Variants in BCL11B observed in about 807,000 individuals in gnomAD.
The protein encoded by BCL11B is B-cell lymphoma/leukemia 11B.
A neutral mutation model predicts 49.9 loss-of-function variants in BCL11B; 8 were observed. That is an observed-to-expected ratio of 0.16 (90% CI 0.09 to 0.29). The LOEUF is 0.29. BCL11B is among the 10% of genes least tolerant of loss of function. The pLI is 1.00. For missense variants in BCL11B, 1,006 were observed against 1,351.0 expected (o/e 0.74, Z 4.00); for synonymous variants, 739 against 637.4 (o/e 1.16, Z -2.40).
chr14:99,231,631 C>A lies in BCL11B; in HGVS notation c.428-74G>T. 1.4e-6 allele frequency: 2 copies of A among 1,442,102 alleles called. No individual in the cohort carries two copies. The highest frequency in any genetic ancestry group is 2.0e-5 in the Admixed American group (1 of 50,274). The allele number at this position is 1,442,102 out of a possible 1,614,324, so 89.3% of individuals were successfully genotyped here. A position where few individuals can be genotyped will look rare whatever the true frequency, so the allele number is the denominator to read the frequency against. On this transcript the variant is annotated intron_variant, in intron 2 of 3. Transcript: ENST00000357195. This position sits in a 1 kb window ranked among gnomAD's most constrained non-coding sequence, Gnocchi z 8.1. ...GTGAGGGGCACGGGGTGGGACGGGG[C>A]TCGGGGCGTGGGGCTCTGCTCAGGC...
Position 99,175,615 on chromosome 14 carries a change from C to T in BCL11B, c.1221G>A (p.Pro407=), listed in dbSNP as rs751446043. 4 of 1,562,066 alleles carry T rather than the reference C, an allele frequency of 2.6e-6. No homozygotes were observed. Among genetic ancestry groups the T allele is most frequent in the African/African-American group, 2.8e-5 (2 of 72,256 alleles). ...CGCCAGGGGGCATGGGCGGCAGCGG[C>T]GGCGTGCTCAGGAACGGGGACTTGG... ...PSPKSPFLST[P]PLPPMPPGGT... is the part of the protein sequence containing the mutation. Residue 407 remains proline, a synonymous_variant, in exon 4 of 4, where the codon CCG becomes CCA. Transcript: ENST00000357195.
intron 3 of BCL11B, among the ~76,000 whole-genome samples, chr14:99,200,231 T>C (rs1314389263): frequency 2.6e-5 from 4 of 152,156 alleles, no homozygotes; most frequent in Admixed American, 2.6e-4. Flanking sequence ...GAGAAGAGCC[T>C]GCTGTCCTGG....
At chr14:99,253,446 C>T (rs911990378) in intron 2 of BCL11B, among the ~76,000 whole-genome samples, 3 of 152,178 alleles carry the variant, frequency 2.0e-5, no homozygotes, top group Admixed American at 1.3e-4. Context: ...GAAAATGCGG[C>T]GGAGGAGGGA....
chr14:99,258,506 C>G (rs766133253), intron 1 of BCL11B, among the ~76,000 whole-genome samples: 5 of 151,884 alleles, frequency 3.3e-5, no homozygotes, highest in Admixed American at 6.6e-5. Flanking sequence ...AAAACAGAAA[C>G]CCAGATGGGC....
At chr14:99,199,640 C>CTGTGTGTGTGTGTGTGTG (rs79328426) in intron 3 of BCL11B, among the ~76,000 whole-genome samples, 2 of 109,588 alleles carry the variant, frequency 1.8e-5, no homozygotes, top group African/African-American at 7.4e-5. Flanking sequence ...TGGCTAAATG[C>CTGTGTGTGTGTGTGTGTG]TGTGTGTGTG....
At chr14:99,226,770 G>A (rs569874028) in intron 3 of BCL11B, among the ~76,000 whole-genome samples, 3 of 152,290 alleles carry the variant, frequency 2.0e-5, no homozygotes, top group African/African-American at 4.8e-5. Context: ...ATTGAAGGAG[G>A]AGAAAAGGAT....
chr14:99,254,994 T>A (rs1385335176), intron 2 of BCL11B, among the ~76,000 whole-genome samples: 2 of 152,194 alleles, frequency 1.3e-5, no homozygotes, highest in African/African-American at 2.4e-5. Flanking sequence ...CGGAATTCAA[T>A]TAAGCTAAAA....
chr14:99,240,663 G>T (rs1332334253), intron 2 of BCL11B, among the ~76,000 whole-genome samples: 2 of 152,328 alleles, frequency 1.3e-5, no homozygotes, highest in East Asian at 3.9e-4. Flanking sequence ...GGAGCTGTCT[G>T]ACAGCCACCT....
chr14:99,175,855 C>T lies in BCL11B; in HGVS notation c.981G>A (p.Pro327=), dbSNP rs752195180. 64 of 1,476,988 alleles carry T rather than the reference C, an allele frequency of 4.3e-5. No homozygotes were observed. Among genetic ancestry groups the T allele is most frequent in the Non-Finnish European group, 5.4e-5 (60 of 1,119,498 alleles). The allele number at this position is 1,476,988 out of a possible 1,614,324, so 91.5% of individuals were successfully genotyped here. The change falls in exon 4 of 4, where the codon CCG becomes CCA. Residue 327 remains proline, a synonymous_variant. Transcript: ENST00000357195. ...FSPPPRHHLD[P]HRLSAEEMGL... is the part of the protein sequence containing the mutation. Reference sequence around the variant, plus strand: ...CCATCTCCTCGGCACTGAGGCGGTGCGGGTCCAGGTGGTGGCGCGGCGGGG... The same window carrying T: ...CCATCTCCTCGGCACTGAGGCGGTGTGGGTCCAGGTGGTGGCGCGGCGGGG...
chr14:99,212,019 T>C (rs954435340), intron 3 of BCL11B, among the ~76,000 whole-genome samples: 2 of 151,822 alleles, frequency 1.3e-5, no homozygotes, highest in African/African-American at 4.8e-5. Context: ...GAAACCACAC[T>C]TTGGATCAGA....
In BCL11B at chr14:99,176,018, G is replaced by T; in HGVS notation, c.818C>A (p.Ala273Asp). 1 of 1,566,332 alleles carries T rather than the reference G, an allele frequency of 6.4e-7. No individual in the cohort carries two copies. ...LTIPPPLGPE[A>D]VAQSPLMNFL... ...ATTCATGAGCGGGGACTGCGCCACG[G>T]CCTCCGGCCCGAGCGGCGGCGGGAT... The change falls in exon 4 of 4, where the codon GCC becomes GAC. Residue 273 changes from alanine to aspartate, a missense_variant. This residue lies in a region of BCL11B where 411 missense variants were observed against 542.2 expected (regional missense o/e 0.76). Transcript: ENST00000357195.
chr14:99,230,958 T>A (rs959671178), intron 3 of BCL11B, among the ~76,000 whole-genome samples: 4 of 152,038 alleles, frequency 2.6e-5, no homozygotes, highest in African/African-American at 9.7e-5. Flanking sequence ...AATCTTCCCC[T>A]AGCCTGGTCT....
intron 2 of BCL11B, among the ~76,000 whole-genome samples, chr14:99,245,462 T>G (rs1888797510): frequency 6.6e-6 from 1 of 152,228 alleles, no homozygotes. Flanking sequence ...GAGATGGGGC[T>G]GTTGCCCCTG....
chr14:99,175,498 C>A lies in BCL11B; in HGVS notation c.1338G>T (p.Arg446=), dbSNP rs536134064. 3.7e-6 allele frequency: 6 copies of A among 1,610,580 alleles called. No individual in the cohort carries two copies. The South Asian group carries it at 5.5e-5, about 15-fold the overall frequency. ...FKFQSNLIVH[R]RSHTGEKPYK... is the part of the protein sequence containing the mutation. ...AGGGCTTCTCGCCCGTGTGACTGCG[C>A]CGGTGCACGATGAGATTGCTCTGGA... The change falls in exon 4 of 4, where the codon CGG becomes CGT. Residue 446 remains arginine (R), a synonymous_variant. Transcript: ENST00000357195.
intron 2 of BCL11B, among the ~76,000 whole-genome samples, chr14:99,252,476 G>C (rs188955500): frequency 6.6e-6 from 1 of 152,118 alleles, no homozygotes; most frequent in Admixed American, 6.5e-5. Flanking sequence ...CCCTGGGCTC[G>C]TCAGAAGTCC....
rs1386422389 is a variant in BCL11B at position 99,248,437 on chromosome 14, G to A, written c.427+9034C>T. Among the ~76,000 whole-genome samples the A allele has an allele frequency of 6.6e-6, 1 of 151,824 alleles. No homozygotes were observed. Among genetic ancestry groups the A allele is most frequent in the Non-Finnish European group, 1.5e-5 (1 of 67,972 alleles). On this transcript the variant is annotated intron_variant, in intron 2 of 3. Coordinates refer to ENST00000357195, the MANE Select transcript of BCL11B (RefSeq NM_138576.4). The surrounding 1 kb of genome is among the most constrained non-coding windows in gnomAD (Gnocchi z 4.7). ...CACTGGCCGCCCCCAGCAGGCTCTG[G>A]GCCAGGGTGGGTCCAGATCTTGCAG...
chr14:99,195,567 C>T lies in BCL11B; in HGVS notation c.641-19372G>A, dbSNP rs184772970. ...TGTATCTTCGTGAACCCCCACAAGG[C>T]TCGTATGCCTTGGATTCCACATGGA... is the stretch of plus-strand genomic sequence containing the variant. On this transcript the variant is annotated intron_variant, in intron 3 of 3. Transcript: ENST00000357195. This position sits in a 1 kb window ranked among gnomAD's most constrained non-coding sequence, Gnocchi z 4.7. 2.0e-5 allele frequency among the ~76,000 whole-genome samples: 3 copies of T among 152,162 alleles called. No individual in the cohort carries two copies. Among genetic ancestry groups the T allele is most frequent in the African/African-American group, 7.2e-5 (3 of 41,438 alleles).
intron 3 of BCL11B, among the ~76,000 whole-genome samples, chr14:99,225,069 A>G (rs1888121295): frequency 6.6e-6 from 1 of 152,166 alleles, no homozygotes; most frequent in African/African-American, 2.4e-5. Flanking sequence ...TCTACCTGCT[A>G]CCAATCTCAT....
At chr14:99,252,835 C>T (rs1162686582) in intron 2 of BCL11B, among the ~76,000 whole-genome samples, 1 of 152,244 alleles carries the variant, frequency 6.6e-6, no homozygotes, top group Non-Finnish European at 1.5e-5. Flanking sequence ...ACAGGCAAAA[C>T]CAAATTCCTG....
Sources: allele counts gnomAD v4.1 joint callset (sites outside exome capture counted in the v4.1 genomes callset), GRCh38; gene constraint gnomAD v4.1.1; regional missense constraint gnomAD v4.1.1; non-coding constraint Gnocchi (gnomAD v3.1); transcripts MANE v1.5; gene names NCBI Gene and HGNC (gene_info 2026-07-23, HGNC 2026-07-21).